The following SDK1 variants were observed in gnomAD, a reference collection of about 807,000 sequenced individuals.
SDK1 encodes the protein sidekick cell adhesion molecule 1.
In SDK1, 157 loss-of-function variants were observed where a neutral mutation model predicts 245.5. The ratio of observed to expected loss-of-function variants is 0.64; its 90% CI spans 0.56 to 0.73. The LOEUF (loss-of-function observed/expected upper bound fraction) is 0.73. Among genes scored for constraint, SDK1 ranks in the 30% least tolerant of loss-of-function variants. The probability of loss-of-function intolerance (pLI) is 0.00; values close to 1 mark genes in which losing one functional copy is unlikely to be tolerated. For missense variants in SDK1, 3,583 were observed against 3,002.3 expected (o/e 1.19, Z -4.52); for synonymous variants, 1,647 against 1,278.5 (o/e 1.29, Z -6.15).
At chr7:3,509,609 G>A (rs1315457284) in intron 1 of SDK1, among the ~76,000 whole-genome samples, 1 of 152,168 alleles carries the variant, frequency 6.6e-6, no homozygotes, top group Non-Finnish European at 1.5e-5. Context: ...TGTCCCTCCA[G>A]TAGCAGAGCT....
At chr7:4,049,285 C>A in intron 17 of SDK1, 63 bp from the exon 18 acceptor site, 2 of 1,271,450 alleles carry the variant, frequency 1.6e-6, no homozygotes, top group Non-Finnish European at 2.3e-6. Flanking sequence ...TCCTTTCTGT[C>A]TCTCCACCCC....
intron 1 of SDK1, among the ~76,000 whole-genome samples, chr7:3,484,696 T>C (rs1781623003): frequency 1.3e-5 from 2 of 152,174 alleles, no homozygotes; most frequent in South Asian, 4.2e-4. Flanking sequence ...GGAAACACTG[T>C]TGCACTCACT....
intron 5 of SDK1, among the ~76,000 whole-genome samples, chr7:3,864,789 CT>C (rs1780781126): frequency 6.6e-6 from 1 of 152,152 alleles, no homozygotes; most frequent in South Asian, 2.1e-4. Context: ...AGTCACACTT[CT>C]TTCCCCAGTG....
chr7:4,051,761 G>C lies in SDK1; in HGVS notation c.2842G>C (p.Val948Leu), dbSNP rs759188794. 1.2e-6 allele frequency: 2 copies of C among 1,613,768 alleles called. No individual in the cohort carries two copies. Among genetic ancestry groups the C allele is most frequent in the Non-Finnish European group, 1.7e-6 (2 of 1,179,940 alleles). ...GAAGTTTACCGCCTACTTCACTTCC[G>C]TTCTGTGCTTCACCACCCCTGGGGA... ...LKKFTAYFTS[V>L]LCFTTPGDGP... is the part of the protein sequence containing the mutation. The change falls in exon 19 of 45, where the codon GTT (valine) becomes CTT (leucine). Residue 948 changes from valine to leucine, a missense_variant. Transcript: ENST00000404826.
intron 1 of SDK1, among the ~76,000 whole-genome samples, chr7:3,376,892 C>T (rs895968601): frequency 1.3e-4 from 19 of 151,924 alleles, no homozygotes; most frequent in Admixed American, 3.9e-4. Context: ...GTCTCTCTTT[C>T]CAGTTCCTCT....
intron 1 of SDK1, among the ~76,000 whole-genome samples, chr7:3,458,859 C>G (rs1310065505): frequency 6.6e-6 from 1 of 152,126 alleles, no homozygotes; most frequent in Non-Finnish European, 1.5e-5. Flanking sequence ...ATCACCGTAT[C>G]TTAATTACCG....
intron 4 of SDK1, among the ~76,000 whole-genome samples, chr7:3,816,800 G>A (rs1583444310): frequency 6.6e-6 from 1 of 152,122 alleles, no homozygotes; most frequent in South Asian, 2.1e-4. Flanking sequence ...AGAACACTAA[G>A]CCTTGGAATC....
intron 1 of SDK1, among the ~76,000 whole-genome samples, chr7:3,405,250 A>G (rs1036811907): frequency 6.6e-6 from 1 of 152,032 alleles, no homozygotes; most frequent in Non-Finnish European, 1.5e-5. Flanking sequence ...TGGTGGCTGT[A>G]TGAGTACTCT....
At chr7:4,118,017 A>T (rs1009998832) in intron 25 of SDK1, among the ~76,000 whole-genome samples, 13 of 152,322 alleles carry the variant, frequency 8.5e-5, no homozygotes, top group Middle Eastern at 6.8e-3. Context: ...GAACTCCCAG[A>T]ACAGAAATTA....
At chr7:3,849,444 A>G (rs886107576) in intron 5 of SDK1, among the ~76,000 whole-genome samples, 3 of 152,248 alleles carry the variant, frequency 2.0e-5, no homozygotes, top group Admixed American at 2.0e-4. Context: ...GCAAGAAATT[A>G]GACTTCCTGG....
chr7:3,860,922 C>G (rs1780673934), intron 5 of SDK1, among the ~76,000 whole-genome samples: 1 of 152,124 alleles, frequency 6.6e-6, no homozygotes, highest in Admixed American at 6.5e-5. Flanking sequence ...CTTTAAAAAC[C>G]TGCTTGCAAC....
chr7:4,120,931 A>T (rs571068457), intron 25 of SDK1, among the ~76,000 whole-genome samples: 61 of 146,344 alleles, frequency 4.2e-4, no homozygotes, highest in Non-Finnish European at 5.1e-4. Flanking sequence ...CACTCTTTTA[A>T]AAAAAAAAAA....
chr7:3,566,507 G>A (rs1779924352), intron 1 of SDK1, among the ~76,000 whole-genome samples: 1 of 152,052 alleles, frequency 6.6e-6, no homozygotes, highest in African/African-American at 2.4e-5. Flanking sequence ...TTACAGGCGT[G>A]AGCCACCACG....
At chr7:3,477,493 A>G (rs576852740) in intron 1 of SDK1, among the ~76,000 whole-genome samples, 3 of 147,126 alleles carry the variant, frequency 2.0e-5, no homozygotes, top group Non-Finnish European at 4.5e-5. Flanking sequence ...TGCTCGGCCT[A>G]TGGTTTTGTT....
rs759753810 is a variant in SDK1, at chr7:3,642,016, G to A, written c.624G>A (p.Ala208=). 1.3e-4 allele frequency: 216 copies of A among 1,613,394 alleles called. No individual in the cohort carries two copies. The highest frequency in any genetic ancestry group is 1.8e-4 in the Non-Finnish European group (207 of 1,179,446). ...AAACAGTTTCTCAAGGACGTGCAGC[G>A]ATTCTAAACCTGCTGCCCATCACCA... ...QRKTVSQGRA[A]ILNLLPITSY... Residue 208 remains alanine (A), a synonymous_variant, in exon 4 of 45, where the codon GCG becomes GCA. Transcript: ENST00000404826.
At chr7:3,651,243 G>C (rs554058262) in intron 4 of SDK1, among the ~76,000 whole-genome samples, 1 of 151,562 alleles carries the variant, frequency 6.6e-6, no homozygotes, top group Admixed American at 6.6e-5. Flanking sequence ...CTAGCATTTG[G>C]TGTTGTCATG....
chr7:4,158,987 G>A (rs565565291), intron 31 of SDK1, among the ~76,000 whole-genome samples: 4 of 152,302 alleles, frequency 2.6e-5, no homozygotes, highest in African/African-American at 7.2e-5. Flanking sequence ...CTACCTCGGC[G>A]GCGTCAGGCC....
rs556177787 is a variant in SDK1, at chr7:4,171,438, T to A, written c.4801-2784T>A. Among the ~76,000 whole-genome samples, 36 of 152,328 alleles carry A rather than the reference T, an allele frequency of 2.4e-4. No homozygotes were observed. In the South Asian group the frequency reaches 7.3e-3, roughly 31 times the overall value. ...TTACATCTGAATTCCAGAAGAATCA[T>A]TTTCAGATTCTGATTTAGCTGGGTG... On this transcript the variant is annotated intron_variant, in intron 32 of 44. Coordinates refer to ENST00000404826, the MANE Select transcript of SDK1 (RefSeq NM_152744.4).
intron 30 of SDK1, among the ~76,000 whole-genome samples, chr7:4,150,878 G>T (rs1780329589): frequency 6.6e-6 from 1 of 152,264 alleles, no homozygotes; most frequent in African/African-American, 2.4e-5. Context: ...TGCCCAGGGA[G>T]GGGTGGCCGA....
Sources: gnomAD v4.1 joint callset for allele counts (sites outside exome capture counted in the v4.1 genomes callset) on GRCh38, gnomAD v4.1.1 for gene constraint, MANE v1.5 for transcripts, NCBI Gene and HGNC (gene_info 2026-07-23, HGNC 2026-07-21) for gene names.